RELN: variants seen among roughly 807,000 people sequenced by gnomAD.
RELN encodes the protein reelin.
A neutral mutation model predicts 427.6 loss-of-function variants in RELN; 108 were observed. The ratio of observed to expected loss-of-function variants is 0.25; its 90% CI spans 0.22 to 0.30. The LOEUF is 0.30. RELN is among the 10% of genes least tolerant of loss of function. The pLI is 1.00. For missense variants in RELN, 3,715 were observed against 4,302.8 expected (o/e 0.86, Z 3.82); for synonymous variants, 1,524 against 1,513.4 (o/e 1.01, Z -0.16).
intron 6 of RELN, among the ~76,000 whole-genome samples, chr7:103,733,763 G>C (rs1790419146): frequency 6.7e-6 from 1 of 149,738 alleles, no homozygotes; most frequent in Non-Finnish European, 1.5e-5. Context: ...ACACAGGAAG[G>C]GGAACATCAC....
chr7:103,842,342 A>T (rs1793572012), intron 2 of RELN, among the ~76,000 whole-genome samples: 1 of 152,124 alleles, frequency 6.6e-6, no homozygotes, highest in Non-Finnish European at 1.5e-5. Context: ...AAAATGAATT[A>T]TAGAATTCCT....
intron 42 of RELN, among the ~76,000 whole-genome samples, chr7:103,543,356 G>T (rs765235327): frequency 6.6e-6 from 1 of 152,238 alleles, no homozygotes; most frequent in East Asian, 1.9e-4. Flanking sequence ...ATTAAATAAC[G>T]CCTTTAAGGC....
chr7:103,989,142 T>C lies in RELN; in HGVS notation c.215A>G (p.Gln72Arg), dbSNP rs924080257. Residue 72 changes from glutamine (Q) to arginine (R), a missense_variant, in exon 1 of 65, where the codon CAA (glutamine) becomes CGA (arginine). Physicochemically the swap from Gln to Arg is conservative, Grantham distance 43. Coordinates refer to ENST00000428762, the MANE Select transcript of RELN (RefSeq NM_005045.4). The surrounding 1 kb of genome is among the most constrained non-coding windows in gnomAD (Gnocchi z 4.9). ...GCTGCGGTACCTACCATGGTATTCT[T>C]GTCCCGGAACGTAGTAGGTGGGGTT... is the stretch of plus-strand genomic sequence containing the variant. ...AGNPTYYVPG[Q>R]EYHVTISTST... 2 of 1,613,868 alleles carry C rather than the reference T, an allele frequency of 1.2e-6. No homozygotes were observed. Among genetic ancestry groups the C allele is most frequent in the African/African-American group, 1.3e-5 (1 of 75,012 alleles).
chr7:103,762,330 A>C (rs79986287), intron 4 of RELN, among the ~76,000 whole-genome samples: 1,548 of 152,292 alleles, frequency 0.01, 29 homozygotes, highest in African/African-American at 0.035. Flanking sequence ...TATGACTAAG[A>C]AATAAACTTC....
At chr7:103,698,210 A>G (rs915798237) in intron 9 of RELN, 117 bp from the exon 10 acceptor site, 1 of 1,246,182 alleles carries the variant, frequency 8.0e-7, no homozygotes, top group Non-Finnish European at 1.2e-6. Context: ...TTTATTACAG[A>G]TAAAATAGCT....
intron 2 of RELN, among the ~76,000 whole-genome samples, chr7:103,869,458 G>C (rs931439396): frequency 1.3e-5 from 2 of 151,838 alleles, no homozygotes; most frequent in South Asian, 2.1e-4. Flanking sequence ...AATGACAAAG[G>C]ATTATTTCAG....
chr7:103,632,025 T>TG (rs1208881357), intron 19 of RELN, among the ~76,000 whole-genome samples: 57 of 152,326 alleles, frequency 3.7e-4, no homozygotes, highest in African/African-American at 1.2e-3. Context: ...TAAAGTATTA[T>TG]TTTTTAACAT....
chr7:103,502,807 T>C (rs781340765), intron 52 of RELN, among the ~76,000 whole-genome samples: 1 of 152,224 alleles, frequency 6.6e-6, no homozygotes, highest in Non-Finnish European at 1.5e-5. Context: ...AAAGCCCATA[T>C]TGCCAAGTCT....
intron 20 of RELN, among the ~76,000 whole-genome samples, chr7:103,621,387 A>C (rs1832215654): frequency 6.6e-6 from 1 of 152,202 alleles, no homozygotes; most frequent in South Asian, 2.1e-4. Context: ...TATTCATTTT[A>C]GTTTGGTGAG....
At chr7:103,554,722 A>G (rs1830487908) in intron 38 of RELN, among the ~76,000 whole-genome samples, 1 of 152,192 alleles carries the variant, frequency 6.6e-6, no homozygotes, top group Non-Finnish European at 1.5e-5. Context: ...TAGCAGTGCT[A>G]TGAACCCTCC....
At position 103,478,945 on chromosome 7, in the gene RELN, G is replaced by A. The variant is rs560022658; in HGVS notation, c.10281-551C>T. On this transcript the variant is annotated intron_variant, in intron 63 of 64. Coordinates refer to ENST00000428762, the MANE Select transcript of RELN (RefSeq NM_005045.4). ...ATGAAGAGCATGAGGGGATGGTCAC[G>A]ATGGAACTCATTTTAAATTCTGATA... is the stretch of plus-strand genomic sequence containing the variant. Among the ~76,000 whole-genome samples the A allele has an allele frequency of 1.1e-4, 17 of 152,278 alleles. No homozygotes were observed. The South Asian group carries it at 2.3e-3, about 20-fold the overall frequency.
intron 1 of RELN, among the ~76,000 whole-genome samples, chr7:103,941,471 T>A (rs1348946851): frequency 6.6e-6 from 1 of 152,182 alleles, no homozygotes; most frequent in Non-Finnish European, 1.5e-5. Flanking sequence ...TGATTTCTTA[T>A]TTGGAATATC....
intron 10 of RELN, among the ~76,000 whole-genome samples, chr7:103,694,920 C>T (rs1239340398): frequency 1.6e-4 from 25 of 151,892 alleles, no homozygotes; most frequent in Non-Finnish European, 2.9e-5. Flanking sequence ...CCACTTTGGC[C>T]TCCCAAAGTG....
intron 51 of RELN, among the ~76,000 whole-genome samples, chr7:103,504,020 A>G (rs1237698849): frequency 1.3e-5 from 2 of 152,200 alleles, no homozygotes; most frequent in South Asian, 4.1e-4. Context: ...CCTGACCAAC[A>G]TGGTGAAACC....
At chr7:103,745,998 G>A (rs967079317) in intron 6 of RELN, among the ~76,000 whole-genome samples, 7 of 151,948 alleles carry the variant, frequency 4.6e-5, no homozygotes, top group African/African-American at 7.3e-5. Flanking sequence ...GAGGCATCAC[G>A]CTACCTGACT....
intron 34 of RELN, among the ~76,000 whole-genome samples, chr7:103,564,510 G>C (rs1026814993): frequency 6.6e-6 from 1 of 152,174 alleles, no homozygotes; most frequent in Admixed American, 6.5e-5. Context: ...GCCACCCAGG[G>C]GAGCTAGAGC....
At chr7:103,540,737 C>T (rs1401980837) in intron 43 of RELN, among the ~76,000 whole-genome samples, 1 of 152,160 alleles carries the variant, frequency 6.6e-6, no homozygotes, top group African/African-American at 2.4e-5. Flanking sequence ...TCCCCACACC[C>T]TTTGGCTCTT....
chr7:103,754,901 A>T (rs1027011033), intron 4 of RELN, among the ~76,000 whole-genome samples: 1 of 152,194 alleles, frequency 6.6e-6, no homozygotes, highest in Non-Finnish European at 1.5e-5. Flanking sequence ...AATAAGAAAA[A>T]GAGTTTTAAG....
At position 103,764,516 on chromosome 7, in the gene RELN, G is replaced by T. The variant is rs546758209; in HGVS notation, c.545-11302C>A. ...CTAGGGAGATGAAAATTATAGGTGT[G>T]AGTGAGTTCAACAGGGACAATATAA... On this transcript the variant is annotated intron_variant, in intron 4 of 64. Coordinates refer to ENST00000428762, the MANE Select transcript of RELN (RefSeq NM_005045.4). 2.7e-3 allele frequency among the ~76,000 whole-genome samples: 410 copies of T among 152,102 alleles called. 1 individual carries two copies. Among genetic ancestry groups the T allele is most frequent in the African/African-American group, 9.5e-3 (394 of 41,492 alleles).
Sources: allele counts gnomAD v4.1 joint callset (sites outside exome capture counted in the v4.1 genomes callset), GRCh38; gene constraint gnomAD v4.1.1; non-coding constraint Gnocchi (gnomAD v3.1); transcripts MANE v1.5; gene names NCBI Gene and HGNC (gene_info 2026-07-23, HGNC 2026-07-21).